Variants in ZFHX3 observed in about 807,000 individuals in gnomAD.
The protein encoded by ZFHX3 is zinc finger homeobox 3, also known as zinc finger homeobox protein 3.
ZFHX3 carries 42 observed loss-of-function variants against 279.1 expected under a neutral mutation model. The observed-to-expected ratio is 0.15, with a 90% CI of 0.12 to 0.19. The LOEUF (loss-of-function observed/expected upper bound fraction) is 0.19, where lower values mean the gene tolerates loss of function less well. ZFHX3 is among the 10% of genes least tolerant of loss of function. ZFHX3 has a pLI of 1.00. For missense variants in ZFHX3, 4,981 were observed against 4,754.0 expected (o/e 1.05, Z -1.40); for synonymous variants, 2,293 against 1,957.8 (o/e 1.17, Z -4.52).
At chr16:73,375,071 CCTT>C (rs2016699464) in intron 3 of ZFHX3, among the ~76,000 whole-genome samples, 1 of 151,672 alleles carries the variant, frequency 6.6e-6, no homozygotes, top group Non-Finnish European at 1.5e-5. Context: ...TCTTCTTCCT[CCTT>C]CTCCTTCTCT....
At chr16:73,752,479 ACT>A (rs1244552777) in intron 1 of ZFHX3, among the ~76,000 whole-genome samples, 5 of 151,764 alleles carry the variant, frequency 3.3e-5, no homozygotes, top group African/African-American at 1.2e-4. Context: ...GTCTCTGTTT[ACT>A]CTCTTTTCCT....
chr16:73,599,529 T>C (rs1211211142), intron 2 of ZFHX3, among the ~76,000 whole-genome samples: 1 of 152,210 alleles, frequency 6.6e-6, no homozygotes, highest in Non-Finnish European at 1.5e-5. Flanking sequence ...TGCCTGCCTA[T>C]GAAGCTCGAC....
At chr16:73,438,510 G>A (rs1340745801) in intron 3 of ZFHX3, among the ~76,000 whole-genome samples, 1 of 152,164 alleles carries the variant, frequency 6.6e-6, no homozygotes, top group Non-Finnish European at 1.5e-5. Context: ...TCATCCAAAT[G>A]TATTTTGAAC....
At chr16:73,839,667 T>C (rs1961248167) in intron 1 of ZFHX3, among the ~76,000 whole-genome samples, 2 of 152,326 alleles carry the variant, frequency 1.3e-5, no homozygotes, top group South Asian at 2.1e-4. Context: ...TAAAGTTCTC[T>C]TCACTTCCCT....
chr16:73,115,066 G>A (rs937419635), intron 7 of ZFHX3, among the ~76,000 whole-genome samples: 3 of 152,068 alleles, frequency 2.0e-5, no homozygotes, highest in Non-Finnish European at 4.4e-5. Flanking sequence ...CTTCTTTGTT[G>A]GCCACCAGCA....
At chr16:72,923,696 G>A (rs1959268484) in intron 3 of ZFHX3, among the ~76,000 whole-genome samples, 1 of 151,686 alleles carries the variant, frequency 6.6e-6, no homozygotes, top group African/African-American at 2.4e-5. Context: ...CCAGATCTCT[G>A]TCATGACCTC....
intron 3 of ZFHX3, among the ~76,000 whole-genome samples, chr16:72,942,679 T>A (rs1960468572): frequency 6.6e-6 from 1 of 152,214 alleles, no homozygotes; most frequent in Admixed American, 6.5e-5. Flanking sequence ...GAAATTTATA[T>A]GCTATTTACG....
At chr16:73,215,635 C>T (rs1434062584) in intron 5 of ZFHX3, among the ~76,000 whole-genome samples, 2 of 152,290 alleles carry the variant, frequency 1.3e-5, no homozygotes, top group South Asian at 2.1e-4. Context: ...CCATACTCAA[C>T]GTATCACAAA....
At chr16:73,333,331 A>T (rs1404746058) in intron 3 of ZFHX3, among the ~76,000 whole-genome samples, 1 of 152,196 alleles carries the variant, frequency 6.6e-6, no homozygotes, top group Admixed American at 6.5e-5. Flanking sequence ...TAGACACAAG[A>T]TACATAGACA....
chr16:73,075,414 G>A (rs1354070594), intron 8 of ZFHX3, among the ~76,000 whole-genome samples: 1 of 152,056 alleles, frequency 6.6e-6, no homozygotes, highest in Non-Finnish European at 1.5e-5. Context: ...AAAACAATCA[G>A]TTTTCATTGT....
intron 1 of ZFHX3, among the ~76,000 whole-genome samples, chr16:73,822,920 C>T (rs1960789455): frequency 6.6e-6 from 1 of 152,180 alleles, no homozygotes; most frequent in Non-Finnish European, 1.5e-5. Flanking sequence ...TGAGTTCAAT[C>T]ATCCAAGCCT....
At chr16:73,851,000 T>G (rs1961580417) in intron 1 of ZFHX3, among the ~76,000 whole-genome samples, 1 of 152,086 alleles carries the variant, frequency 6.6e-6, no homozygotes. Context: ...ATTTTATCCT[T>G]TTTTTCCCCC....
chr16:73,710,175 C>T (rs558217860), intron 1 of ZFHX3, among the ~76,000 whole-genome samples: 1 of 152,100 alleles, frequency 6.6e-6, no homozygotes, highest in Admixed American at 6.5e-5. Flanking sequence ...AAAACTCTGT[C>T]TCAAAAACAA....
intron 1 of ZFHX3, among the ~76,000 whole-genome samples, chr16:73,881,364 G>A (rs944967900): frequency 9.2e-5 from 14 of 151,598 alleles, no homozygotes; most frequent in African/African-American, 3.4e-4. Flanking sequence ...TTGATTTCCA[G>A]GGCAGAATTC....
At chr16:73,466,454 C>A (rs1355002866) in intron 2 of ZFHX3, among the ~76,000 whole-genome samples, 1 of 152,218 alleles carries the variant, frequency 6.6e-6, no homozygotes, top group Non-Finnish European at 1.5e-5. Flanking sequence ...TGCGCTCCAG[C>A]TTGGGTAACA....
intron 4 of ZFHX3, among the ~76,000 whole-genome samples, chr16:72,887,209 G>C (rs965704419): frequency 6.6e-6 from 1 of 152,168 alleles, no homozygotes; most frequent in Non-Finnish European, 1.5e-5. Flanking sequence ...GAGGGCTTTG[G>C]AGGGGCTTAG....
At chr16:73,141,560 G>A (rs1966847869) in intron 6 of ZFHX3, among the ~76,000 whole-genome samples, 1 of 151,948 alleles carries the variant, frequency 6.6e-6, no homozygotes. Context: ...ACCGTGTAGG[G>A]CTAATTTCTA....
chr16:72,784,687 A>AAC lies in ZFHX3; in HGVS notation c.*2476_*2477insGT, dbSNP rs986666387. The AAC allele has an allele frequency of 5.2e-5, 8 of 152,686 alleles. No individual in the cohort carries two copies. The highest frequency in any genetic ancestry group is 1.9e-4 in the African/African-American group (8 of 41,574). The allele number at this position is 152,686 out of a possible 1,614,324, so 9.5% of individuals were successfully genotyped here. A position where few individuals can be genotyped will look rare whatever the true frequency, so the allele number is the denominator to read the frequency against. ...TCTTGTTAAAAGGAAATAGCTTGTT[A>AAC]AAACAGTAAATGTTTTGCGTACTTG... is the stretch of plus-strand genomic sequence containing the variant. On this transcript the variant is annotated 3_prime_UTR_variant, in exon 10 of 10. Transcript: ENST00000268489.
intron 4 of ZFHX3, among the ~76,000 whole-genome samples, chr16:72,863,306 C>G (rs1376849587): frequency 7.6e-6 from 1 of 131,018 alleles, no homozygotes; most frequent in African/African-American, 3.1e-5. Context: ...AATTCAAGAC[C>G]AACTTGGACA....
Sources: allele counts gnomAD v4.1 joint callset (sites outside exome capture counted in the v4.1 genomes callset), GRCh38; gene constraint gnomAD v4.1.1; transcripts MANE v1.5; gene names NCBI Gene and HGNC (gene_info 2026-07-23, HGNC 2026-07-21).